ZMYM4: variants seen among roughly 807,000 people sequenced by gnomAD.
The protein encoded by ZMYM4 is zinc finger MYM-type protein 4.
A neutral mutation model predicts 183.2 loss-of-function variants in ZMYM4; 31 were observed. That is an observed-to-expected ratio of 0.17 (90% CI 0.13 to 0.23). ZMYM4 has a LOEUF of 0.23. Among genes scored for constraint, ZMYM4 ranks in the 10% least tolerant of loss-of-function variants. ZMYM4 has a pLI of 1.00. For missense variants in ZMYM4, 1,273 were observed against 1,840.3 expected (o/e 0.69, Z 5.64); for synonymous variants, 592 against 631.2 (o/e 0.94, Z 0.93).
At chr1:35,396,729 G>A (rs1404717509) in intron 19 of ZMYM4, 59 bp downstream of exon 19, 1 of 1,544,710 alleles carries the variant, frequency 6.5e-7, no homozygotes, top group Non-Finnish European at 8.7e-7. Context: ...AATTAAAACT[G>A]TATAGTTCTG....
At chr1:35,269,123 G>T in intron 1 of ZMYM4, 38 bp downstream of exon 1, 1 of 1,543,568 alleles carries the variant, frequency 6.5e-7, no homozygotes, top group Non-Finnish European at 8.7e-7. Context: ...GGCGGGGGGC[G>T]GGGCGCGGCC....
chr1:35,322,995 GTTTTGTTTTTGT>G (rs201020455), intron 1 of ZMYM4, among the ~76,000 whole-genome samples: 9 of 149,554 alleles, frequency 6.0e-5, no homozygotes, highest in South Asian at 4.2e-4. Context: ...TGGCTTTTTT[GTTTTGTTTTTGT>G]TTTTGTTTTT....
At chr1:35,386,661 T>C (rs1644584721) in intron 11 of ZMYM4, among the ~76,000 whole-genome samples, 1 of 152,216 alleles carries the variant, frequency 6.6e-6, no homozygotes, top group Non-Finnish European at 1.5e-5. Context: ...GCCTGGGTTG[T>C]ATAAGTTTCT....
chr1:35,304,047 C>T (rs779222522), intron 1 of ZMYM4, among the ~76,000 whole-genome samples: 4 of 148,784 alleles, frequency 2.7e-5, no homozygotes, highest in Admixed American at 6.7e-5. Context: ...TTTTTTGAAA[C>T]GGAGTTTCGC....
intron 20 of ZMYM4, 29 bp downstream of exon 20, chr1:35,397,574 GAA>G: frequency 6.4e-7 from 1 of 1,551,018 alleles, no homozygotes; most frequent in East Asian, 2.3e-5. Context: ...AGTAAAGAAA[GAA>G]AAAACACGTT....
intron 1 of ZMYM4, among the ~76,000 whole-genome samples, chr1:35,314,719 AAAG>A (rs1641966141): frequency 1.2e-5 from 1 of 81,488 alleles, no homozygotes; most frequent in South Asian, 3.9e-4. Flanking sequence ...ACTTTTGTGA[AAAG>A]AAGTCATTAA....
At chr1:35,300,015 T>C (rs559009457) in intron 1 of ZMYM4, among the ~76,000 whole-genome samples, 1 of 152,268 alleles carries the variant, frequency 6.6e-6, no homozygotes, top group South Asian at 2.1e-4. Context: ...CAGGATGGTC[T>C]CGATCTCCTG....
chr1:35,280,974 A>T (rs1425470572), intron 1 of ZMYM4, among the ~76,000 whole-genome samples: 1 of 152,170 alleles, frequency 6.6e-6, no homozygotes, highest in Non-Finnish European at 1.5e-5. Context: ...CTTTTTAAAA[A>T]TTGATTTTTT....
chr1:35,411,137 TA>T (rs760144630), intron 26 of ZMYM4, among the ~76,000 whole-genome samples: 18 of 152,096 alleles, frequency 1.2e-4, no homozygotes, highest in Admixed American at 2.0e-4. Context: ...TTTGACCAAA[TA>T]TAGATGGGTT....
At chr1:35,399,115 A>G in intron 22 of ZMYM4, 72 bp downstream of exon 22, 1 of 1,432,358 alleles carries the variant, frequency 7.0e-7, no homozygotes, top group East Asian at 2.3e-5. Context: ...AATTGACACT[A>G]TTAAGCAGTG....
At chr1:35,365,654 G>T (rs939719863) in intron 5 of ZMYM4, among the ~76,000 whole-genome samples, 1 of 152,096 alleles carries the variant, frequency 6.6e-6, no homozygotes, top group Non-Finnish European at 1.5e-5. Context: ...ACTTTCATGG[G>T]ATATTAATAT....
intron 11 of ZMYM4, 102 bp downstream of exon 11, chr1:35,386,291 A>C: frequency 1.3e-6 from 1 of 781,394 alleles, no homozygotes; most frequent in Non-Finnish European, 2.0e-6. Context: ...TGGGTAATTT[A>C]TAAAGAAAGA....
intron 1 of ZMYM4, among the ~76,000 whole-genome samples, chr1:35,271,113 A>G (rs1639575518): frequency 6.6e-6 from 1 of 152,192 alleles, no homozygotes; most frequent in Non-Finnish European, 1.5e-5. Context: ...CATATGGCAT[A>G]TAGTCCACCA....
chr1:35,384,841 C>CTT lies in ZMYM4; in HGVS notation c.1570-584_1570-583dup, dbSNP rs748891728. Among the ~76,000 whole-genome samples the CTT allele has an allele frequency of 9.5e-3, 1,210 of 127,358 alleles. 18 individuals are homozygous for CTT. Among genetic ancestry groups the CTT allele is most frequent in the African/African-American group, 0.022 (693 of 32,096 alleles). The allele number at this position is 127,358 out of a possible 152,430, so 83.6% of individuals were successfully genotyped here. On this transcript the variant is annotated intron_variant, in intron 9 of 29. Coordinates refer to ENST00000314607, the MANE Select transcript of ZMYM4 (RefSeq NM_005095.3). ...CCAGCATTATTATTTTTTTCTTTTT[C>CTT]TTTTTTTTTTTTTTTTTTGAGGTGG...
At chr1:35,362,016 T>C (rs1457538380) in intron 5 of ZMYM4, among the ~76,000 whole-genome samples, 1 of 152,234 alleles carries the variant, frequency 6.6e-6, no homozygotes, top group African/African-American at 2.4e-5. Flanking sequence ...TTAATACCAC[T>C]GTGATTTTTG....
intron 1 of ZMYM4, among the ~76,000 whole-genome samples, chr1:35,319,121 C>G (rs1435589931): frequency 6.6e-6 from 1 of 152,110 alleles, no homozygotes; most frequent in Non-Finnish European, 1.5e-5. Flanking sequence ...CTCAGGTGAT[C>G]AGCCCGCCTC....
chr1:35,368,493 G>A (rs973097330), intron 5 of ZMYM4, among the ~76,000 whole-genome samples: 1 of 152,050 alleles, frequency 6.6e-6, no homozygotes, highest in African/African-American at 2.4e-5. Flanking sequence ...CCATTATAAT[G>A]TACTTTTTGT....
intron 13 of ZMYM4, 42 bp downstream of exon 13, chr1:35,387,646 G>A (rs776043631): frequency 6.4e-7 from 1 of 1,561,410 alleles, no homozygotes; most frequent in South Asian, 1.2e-5. Context: ...CATGTTGGTT[G>A]TTTTAAAGCA....
At chr1:35,365,530 A>C (rs745374353) in intron 5 of ZMYM4, among the ~76,000 whole-genome samples, 5 of 152,308 alleles carry the variant, frequency 3.3e-5, no homozygotes, top group Non-Finnish European at 7.4e-5. Context: ...ACTAATTGTC[A>C]TAATAGTCAT....
Sources: gnomAD v4.1 joint callset for allele counts (sites outside exome capture counted in the v4.1 genomes callset) on GRCh38, gnomAD v4.1.1 for gene constraint, MANE v1.5 for transcripts, NCBI Gene and HGNC (gene_info 2026-07-23, HGNC 2026-07-21) for gene names.